Variants in LCOR observed in about 807,000 individuals in gnomAD.
LCOR encodes the protein ligand dependent nuclear receptor corepressor.
Under a neutral mutation model 64.4 loss-of-function variants are expected in LCOR, and 14 were observed. The ratio of observed to expected loss-of-function variants is 0.22; its 90% CI spans 0.14 to 0.34. LCOR has a LOEUF of 0.34. LCOR is among the 10% of genes least tolerant of loss of function. The probability of loss-of-function intolerance (pLI) is 1.00; values close to 1 mark genes in which losing one functional copy is unlikely to be tolerated. For missense variants in LCOR, 1,686 were observed against 1,765.3 expected (o/e 0.96, Z 0.80); for synonymous variants, 643 against 642.5 (o/e 1.00, Z -0.01).
chr10:96,833,638 C>T (rs896685965), intron 2 of LCOR, among the ~76,000 whole-genome samples, 159 bp downstream of exon 2: 1 of 152,232 alleles, frequency 6.6e-6, no homozygotes, highest in Non-Finnish European at 1.5e-5. Context: ...CGCTGTCCCC[C>T]ACGCCCAGTC....
At chr10:96,863,661 A>G (rs1046745369) in intron 2 of LCOR, among the ~76,000 whole-genome samples, 5 of 152,228 alleles carry the variant, frequency 3.3e-5, no homozygotes, top group African/African-American at 1.2e-4. Context: ...TCAAGAAAGC[A>G]TAGACTGGTG....
intron 7 of LCOR, chr10:96,956,971 TA>T: frequency 1.0e-6 from 1 of 985,266 alleles, no homozygotes. Context: ...ACTTAGATTT[TA>T]CAGCCTCAGT....
intron 2 of LCOR, among the ~76,000 whole-genome samples, chr10:96,895,161 C>T (rs374374119): frequency 8.5e-5 from 13 of 152,274 alleles, no homozygotes; most frequent in African/African-American, 2.9e-4. Context: ...GTCACCTATC[C>T]AATTGCCTTC....
chr10:96,955,478 C>T (rs1847755894), intron 7 of LCOR: 3 of 1,613,946 alleles, frequency 1.9e-6, no homozygotes, highest in East Asian at 2.2e-5. Context: ...AAACGGAGAG[C>T]GCGCTTAGTA....
At chr10:96,886,878 C>T (rs570439473) in intron 2 of LCOR, among the ~76,000 whole-genome samples, 2 of 152,148 alleles carry the variant, frequency 1.3e-5, no homozygotes, top group East Asian at 3.9e-4. Context: ...CTCTTTTACT[C>T]AGCAAATTGG....
rs1207359819 is a variant in LCOR at position 96,988,801 on chromosome 10, A to C, written c.*3667A>C. 1 of 152,234 alleles carries C rather than the reference A, an allele frequency of 6.6e-6. No individual in the cohort carries two copies. 9.4% of individuals were successfully genotyped at this position (152,234 alleles called of 1,614,324 possible). ...CCAGATGATCTGTCAAGGGTCTGCCAACTGTGGGCTGGTCGCTTGTTTGTG... is the reference window on the plus strand; with the variant it reads ...CCAGATGATCTGTCAAGGGTCTGCCCACTGTGGGCTGGTCGCTTGTTTGTG... On this transcript the variant is annotated 3_prime_UTR_variant, in exon 8 of 8. Coordinates refer to ENST00000421806, the MANE Select transcript of LCOR (RefSeq NM_001346516.2).
At chr10:96,913,477 G>A (rs974635440) in intron 4 of LCOR, among the ~76,000 whole-genome samples, 2 of 152,206 alleles carry the variant, frequency 1.3e-5, no homozygotes, top group Non-Finnish European at 2.9e-5. Context: ...AGAGATGGCT[G>A]TTTGTAAAGT....
At position 96,970,623 on chromosome 10, in the gene LCOR, T is replaced by A. The variant is rs868341804; in HGVS notation, c.333-10170T>A. ...CATTTTATTTTATTTTATTTTATTT[T>A]ATTTATTTTATTTTATTTTATTTTA... is the stretch of plus-strand genomic sequence containing the variant. On this transcript the variant is annotated intron_variant, in intron 7 of 7. Coordinates refer to ENST00000421806, the MANE Select transcript of LCOR (RefSeq NM_001346516.2). Among the ~76,000 whole-genome samples, 380 of 142,454 alleles carry A rather than the reference T, an allele frequency of 2.7e-3. 2 individuals are homozygous for A. The highest frequency in any genetic ancestry group is 4.4e-3 in the Non-Finnish European group (294 of 66,334). The allele number at this position is 142,454 out of a possible 152,430, so 93.5% of individuals were successfully genotyped here. A position where few individuals can be genotyped will look rare whatever the true frequency, so the allele number is the denominator to read the frequency against.
chr10:96,894,473 A>G (rs1288569007), intron 2 of LCOR, among the ~76,000 whole-genome samples: 2 of 152,024 alleles, frequency 1.3e-5, no homozygotes, highest in Non-Finnish European at 2.9e-5. Flanking sequence ...AAAGGCATTG[A>G]AAAGGAGTGT....
At chr10:96,946,077 C>T (rs1847585297) in intron 5 of LCOR, among the ~76,000 whole-genome samples, 1 of 151,970 alleles carries the variant, frequency 6.6e-6, no homozygotes, top group South Asian at 2.1e-4. Context: ...ATGTGATGCT[C>T]AGAGAAAGAA....
intron 7 of LCOR, among the ~76,000 whole-genome samples, chr10:96,977,223 A>G (rs1848046800): frequency 6.6e-6 from 1 of 152,206 alleles, no homozygotes; most frequent in South Asian, 2.1e-4. Flanking sequence ...TACTTAAAGT[A>G]CCATTTTGGC....
Position 96,984,912 on chromosome 10 carries a change from G to T in LCOR, c.4452G>T (p.Gln1484His), listed in dbSNP as rs1481445036. ...EKENTNKRPS[Q>H]SIASETLTKP... is the part of the protein sequence containing the mutation. ...AGAATACAAACAAAAGGCCTTCCCAGTCTATTGCCTCGGAAACACTGACGA... is the reference window on the plus strand; with the variant it reads ...AGAATACAAACAAAAGGCCTTCCCATTCTATTGCCTCGGAAACACTGACGA... The change falls in exon 8 of 8, where the codon CAG (glutamine) becomes CAT (histidine). Residue 1484 changes from glutamine (Q) to histidine (H), a missense_variant. Transcript: ENST00000421806. The T allele has an allele frequency of 6.2e-7, 1 of 1,613,940 alleles. No homozygotes were observed.
intron 7 of LCOR, among the ~76,000 whole-genome samples, chr10:96,965,585 C>T (rs1271579104): frequency 6.7e-6 from 1 of 149,182 alleles, no homozygotes; most frequent in East Asian, 2.0e-4. Context: ...TGGCGTGAAC[C>T]CAGGAGGCAG....
chr10:96,920,635 C>CAT (rs1303234446), intron 4 of LCOR, among the ~76,000 whole-genome samples: 1 of 132,838 alleles, frequency 7.5e-6, no homozygotes, highest in African/African-American at 2.9e-5. Flanking sequence ...TATGTACATT[C>CAT]ATATATGTGT....
chr10:96,859,012 C>T (rs1327188781), intron 2 of LCOR, among the ~76,000 whole-genome samples: 1 of 152,118 alleles, frequency 6.6e-6, no homozygotes, highest in African/African-American at 2.4e-5. Flanking sequence ...TATCAGGACA[C>T]TTTGTATTGC....
At chr10:96,876,814 C>T (rs1180320624) in intron 2 of LCOR, among the ~76,000 whole-genome samples, 6 of 152,060 alleles carry the variant, frequency 3.9e-5, no homozygotes, top group South Asian at 4.2e-4. Context: ...TCAGGCCTCC[C>T]GAGTAGCTGG....
intron 7 of LCOR, chr10:96,957,514 G>T: frequency 1.0e-6 from 1 of 985,362 alleles, no homozygotes; most frequent in Non-Finnish European, 1.2e-6. Flanking sequence ...ATTCTAATCT[G>T]CTGAGAAAGG....
At chr10:96,838,805 T>C in intron 2 of LCOR, among the ~76,000 whole-genome samples, 1 of 152,270 alleles carries the variant, frequency 6.6e-6, no homozygotes, top group East Asian at 1.9e-4. Context: ...TACAAGTTTT[T>C]GTGTGGACAT....
chr10:96,891,482 CTTTT>C (rs745839487), intron 2 of LCOR, among the ~76,000 whole-genome samples: 1 of 28,490 alleles, frequency 3.5e-5, no homozygotes, highest in Non-Finnish European at 6.8e-5. Context: ...TTTTCTGACT[CTTTT>C]TTTTTTTTTT....
Sources: gnomAD v4.1 joint callset for allele counts (sites outside exome capture counted in the v4.1 genomes callset) on GRCh38, gnomAD v4.1.1 for gene constraint, MANE v1.5 for transcripts, NCBI Gene and HGNC (gene_info 2026-07-23, HGNC 2026-07-21) for gene names.